Variants in AUTS2 observed in about 807,000 individuals in gnomAD.
AUTS2 encodes the protein autism susceptibility gene 2 protein.
In AUTS2, 17 loss-of-function variants were observed where a neutral mutation model predicts 112.4. The ratio of observed to expected loss-of-function variants is 0.15; its 90% CI spans 0.10 to 0.23. The LOEUF (loss-of-function observed/expected upper bound fraction) is 0.23, where lower values mean the gene tolerates loss of function less well. Among genes scored for constraint, AUTS2 ranks in the 10% least tolerant of loss-of-function variants. AUTS2 has a pLI of 1.00. For missense variants in AUTS2, 1,510 were observed against 1,701.6 expected, an observed-to-expected ratio of 0.89 and a Z score of 1.98; for synonymous variants, 751 against 702.7, an observed-to-expected ratio of 1.07 and a Z score of -1.09.
In AUTS2 at chr7:70,343,558, C is replaced by A. The variant is rs1365556424; in HGVS notation, c.661-92194C>A. Among the ~76,000 whole-genome samples, 5 of 152,112 alleles carry A rather than the reference C, an allele frequency of 3.3e-5. 1 individual carries two copies. The highest frequency in any genetic ancestry group is 7.3e-5 in the Non-Finnish European group (5 of 68,034). On this transcript the variant is annotated intron_variant, in intron 4 of 18. Transcript: ENST00000342771. ...CAGTTAAAAGTACTATATGATAAATCTTCTGGAAGACGGGTGATGGAATGT... is the reference window on the plus strand; with the variant it reads ...CAGTTAAAAGTACTATATGATAAATATTCTGGAAGACGGGTGATGGAATGT...
intron 4 of AUTS2, among the ~76,000 whole-genome samples, chr7:70,333,650 C>A (rs1790859851): frequency 6.6e-6 from 1 of 152,132 alleles, no homozygotes; most frequent in South Asian, 2.1e-4. Flanking sequence ...AGTTCATGTC[C>A]TCTACGGAGA....
chr7:69,714,388 A>G (rs1180802278), intron 1 of AUTS2, among the ~76,000 whole-genome samples: 1 of 151,918 alleles, frequency 6.6e-6, no homozygotes, highest in Non-Finnish European at 1.5e-5. Context: ...GATTACAGGT[A>G]TGAGCCACTA....
intron 4 of AUTS2, among the ~76,000 whole-genome samples, chr7:70,329,569 T>G (rs1423846159): frequency 2.6e-5 from 4 of 151,804 alleles, no homozygotes; most frequent in East Asian, 1.9e-4. Flanking sequence ...TTTTTATATT[T>G]TTTTTTAGAG....
chr7:69,664,338 C>G (rs1795934161), intron 1 of AUTS2, among the ~76,000 whole-genome samples: 1 of 152,100 alleles, frequency 6.6e-6, no homozygotes, highest in South Asian at 2.1e-4. Flanking sequence ...TATTTTGTGT[C>G]ACATATTAGC....
rs11355878 is a variant in AUTS2 at position 69,753,354 on chromosome 7, G to GT, written c.310-145921dup. ...AGTTGGAAATTGTTCCTGTTGATCT[G>GT]TTTTTTTTTTTCTTTTGTGCTTAGG... On this transcript the variant is annotated intron_variant, in intron 1 of 18. Coordinates refer to ENST00000342771, the MANE Select transcript of AUTS2 (RefSeq NM_015570.4). 2.5e-3 allele frequency among the ~76,000 whole-genome samples: 366 copies of GT among 148,130 alleles called. 1 individual carries two copies. Among genetic ancestry groups the GT allele is most frequent in the South Asian group, 3.2e-3 (15 of 4,652 alleles).
At chr7:69,849,898 A>C (rs1333990853) in intron 1 of AUTS2, among the ~76,000 whole-genome samples, 1 of 152,140 alleles carries the variant, frequency 6.6e-6, no homozygotes, top group Non-Finnish European at 1.5e-5. Context: ...AGCTGCTAGG[A>C]ACAATTATTT....
chr7:70,650,743 C>T (rs1054981835), intron 5 of AUTS2, among the ~76,000 whole-genome samples: 2 of 152,148 alleles, frequency 1.3e-5, no homozygotes, highest in African/African-American at 4.8e-5. Flanking sequence ...CTTCTGTGAC[C>T]ATTAACTGTC....
intron 2 of AUTS2, among the ~76,000 whole-genome samples, chr7:69,939,623 G>A (rs1371044879): frequency 2.0e-5 from 3 of 152,300 alleles, no homozygotes; most frequent in Admixed American, 2.0e-4. Context: ...AATATTTGAT[G>A]AGGTTTATAT....
chr7:69,806,228 T>TA (rs1790301071), intron 1 of AUTS2, among the ~76,000 whole-genome samples: 2 of 128,542 alleles, frequency 1.6e-5, no homozygotes, highest in South Asian at 2.5e-4. Context: ...TTTTTTTTTT[T>TA]AAACCAGCGT....
chr7:69,732,549 CCTGGTATTTCTT>C (rs1383161150), intron 1 of AUTS2, among the ~76,000 whole-genome samples: 1 of 151,704 alleles, frequency 6.6e-6, no homozygotes, highest in African/African-American at 2.4e-5. Context: ...ATTTATGTGT[CCTGGTATTTCTT>C]CGTTTTTATT....
intron 1 of AUTS2, among the ~76,000 whole-genome samples, chr7:69,823,197 G>A (rs1015178545): frequency 4.6e-5 from 7 of 152,092 alleles, no homozygotes; most frequent in South Asian, 2.1e-4. Flanking sequence ...TCTTTGTCCC[G>A]TCTCATAACT....
chr7:69,893,710 G>A (rs541825224), intron 1 of AUTS2, among the ~76,000 whole-genome samples: 8 of 152,214 alleles, frequency 5.3e-5, no homozygotes, highest in Admixed American at 2.6e-4. Flanking sequence ...AAAATCAGGC[G>A]GAGACTTTCT....
intron 2 of AUTS2, among the ~76,000 whole-genome samples, chr7:70,015,881 C>T (rs1250149949): frequency 1.3e-5 from 2 of 149,966 alleles, no homozygotes; most frequent in Non-Finnish European, 3.0e-5. Flanking sequence ...TGTGCTTATG[C>T]TTGTGCCTTG....
chr7:70,018,031 G>C (rs1489776910), intron 2 of AUTS2, among the ~76,000 whole-genome samples: 69 of 152,014 alleles, frequency 4.5e-4, no homozygotes, highest in Non-Finnish European at 1.2e-4. Context: ...TGGTTTTGAT[G>C]GTCATTTCAG....
chr7:69,640,175 G>T (rs1794738214), intron 1 of AUTS2, among the ~76,000 whole-genome samples: 1 of 94,042 alleles, frequency 1.1e-5, no homozygotes, highest in Non-Finnish European at 2.5e-5. Context: ...GTTTTCATGA[G>T]AATTTGGAAA....
At chr7:69,614,390 C>A (rs1329116506) in intron 1 of AUTS2, among the ~76,000 whole-genome samples, 1 of 87,126 alleles carries the variant, frequency 1.1e-5, no homozygotes, top group East Asian at 3.7e-4. Context: ...GGATCTCACT[C>A]TGTTTCCCAG....
At chr7:70,004,665 T>G (rs2129553422) in intron 2 of AUTS2, among the ~76,000 whole-genome samples, 1 of 150,984 alleles carries the variant, frequency 6.6e-6, no homozygotes, top group Admixed American at 6.6e-5. Context: ...AGAGGCAGAG[T>G]GTTTTAAAAC....
chr7:69,667,794 A>G (rs1796137022), intron 1 of AUTS2, among the ~76,000 whole-genome samples: 1 of 152,120 alleles, frequency 6.6e-6, no homozygotes, highest in South Asian at 2.1e-4. Flanking sequence ...CAGTAGCGGC[A>G]ATTACCATTG....
rs114265534 is a variant in AUTS2, at chr7:70,266,950, C to T, written c.660+132379C>T. Among the ~76,000 whole-genome samples, 432 of 152,338 alleles carry T rather than the reference C, an allele frequency of 2.8e-3. 5 individuals are homozygous for T. Among genetic ancestry groups the T allele is most frequent in the African/African-American group, 0.01 (419 of 41,586 alleles). ...CCATTTGCCAGTTGCAGATTGCCTCCTTGTCTGAAAATGGGTGTGTTTCTT... is the reference window on the plus strand; with the variant it reads ...CCATTTGCCAGTTGCAGATTGCCTCTTTGTCTGAAAATGGGTGTGTTTCTT... On this transcript the variant is annotated intron_variant, in intron 4 of 18. Transcript: ENST00000342771.
Sources: allele counts gnomAD v4.1 joint callset (sites outside exome capture counted in the v4.1 genomes callset), GRCh38; gene constraint gnomAD v4.1.1; transcripts MANE v1.5; gene names NCBI Gene and HGNC (gene_info 2026-07-23, HGNC 2026-07-21).